The following MIER1 variants were observed in gnomAD, a reference collection of about 807,000 sequenced individuals.
MIER1 encodes MIER1 transcriptional regulator.
Under a neutral mutation model 75.7 loss-of-function variants are expected in MIER1, and 40 were observed. That is an observed-to-expected ratio of 0.53 (90% CI 0.41 to 0.69). MIER1 has a LOEUF of 0.69. MIER1 is among the 30% of genes least tolerant of loss of function. The pLI, the probability that MIER1 is intolerant of heterozygous loss-of-function variation, is 0.00. For missense variants in MIER1, 574 were observed against 680.2 expected (o/e 0.84, Z 1.74); for synonymous variants, 213 against 223.4 (o/e 0.95, Z 0.42).
chr1:66,983,113 G>T (rs1234521909), intron 13 of MIER1, among the ~76,000 whole-genome samples: 2 of 152,194 alleles, frequency 1.3e-5, no homozygotes, highest in African/African-American at 4.8e-5. Context: ...ATTACTTGTA[G>T]CTCAAAAGCC....
chr1:66,975,273 T>C (rs111630861), intron 11 of MIER1, among the ~76,000 whole-genome samples: 2 of 152,210 alleles, frequency 1.3e-5, no homozygotes, highest in East Asian at 1.9e-4. Flanking sequence ...ATGCCTGTTA[T>C]CTCAGTACTT....
chr1:66,985,485 A>G lies in MIER1; in HGVS notation c.*585A>G, dbSNP rs1170301655. The stretch of plus-strand genomic sequence containing the variant: ...AAAATAAACCAGGTCAGGTTTGTAT[A>G]TGTAAAATTGTTGACATCAATGATG... On this transcript the variant is annotated 3_prime_UTR_variant, in exon 14 of 14. Transcript: ENST00000401041. The G allele has an allele frequency of 2.0e-6, 2 of 983,354 alleles. No homozygotes were observed. The highest frequency in any genetic ancestry group is 2.4e-6 in the Non-Finnish European group (2 of 828,010). The allele number at this position is 983,354 out of a possible 1,614,324, so 60.9% of individuals were successfully genotyped here.
chr1:66,975,260 C>G (rs919395048), intron 11 of MIER1, among the ~76,000 whole-genome samples: 1 of 152,172 alleles, frequency 6.6e-6, no homozygotes, highest in Admixed American at 6.5e-5. Context: ...GGTGCAGTGG[C>G]TCATGCCTGT....
intron 4 of MIER1, chr1:66,947,169 T>C: frequency 5.5e-6 from 1 of 182,178 alleles, no homozygotes; most frequent in Non-Finnish European, 1.0e-5. Flanking sequence ...TTAAGTAAGT[T>C]GGCATTATAT....
chr1:66,956,062 G>A (rs1228281355), intron 4 of MIER1, among the ~76,000 whole-genome samples: 1 of 152,160 alleles, frequency 6.6e-6, no homozygotes, highest in Non-Finnish European at 1.5e-5. Flanking sequence ...TGAAATCAAA[G>A]CATCTATCAT....
In MIER1 at chr1:66,971,679, A is replaced by T. The variant is rs550295178; in HGVS notation, c.949A>T (p.Asn317Tyr). Residue 317 changes from asparagine (N) to tyrosine (Y), a missense_variant, in exon 10 of 14, where the codon AAT (asparagine) becomes TAT (tyrosine). Transcript: ENST00000401041. Reference sequence around the variant, plus strand: ...GGCTTTATATGAATTGGTTAAATGCAATTTTGATACAGAAGAAGCATTGAG... The same window carrying T: ...GGCTTTATATGAATTGGTTAAATGCTATTTTGATACAGAAGAAGCATTGAG... ...EQALYELVKC[N>Y]FDTEEALRRL... The T allele has an allele frequency of 1.4e-5, 21 of 1,512,472 alleles. No homozygotes were observed. Among genetic ancestry groups the T allele is most frequent in the East Asian group, 2.3e-5 (1 of 43,716 alleles). 93.7% of individuals were successfully genotyped at this position (1,512,472 alleles called of 1,614,324 possible).
chr1:66,958,445 C>T (rs757721797), intron 5 of MIER1, among the ~76,000 whole-genome samples: 2 of 144,682 alleles, frequency 1.4e-5, no homozygotes, highest in Non-Finnish European at 3.0e-5. Context: ...TTTTCCAGTG[C>T]TTATTCTAAT....
At chr1:66,927,759 C>T in intron 2 of MIER1, among the ~76,000 whole-genome samples, 1 of 151,964 alleles carries the variant, frequency 6.6e-6, no homozygotes, top group African/African-American at 2.4e-5. Context: ...TAGTGAGTCA[C>T]TGGAGGGGTT....
chr1:66,932,724 TGTGAA>T (rs1471477905), intron 2 of MIER1: 2 of 152,152 alleles, frequency 1.3e-5, no homozygotes, highest in African/African-American at 2.4e-5. Context: ...AAGGATAGCT[TGTGAA>T]GTAACAGTAA....
chr1:66,973,757 T>C (rs1217065451), intron 11 of MIER1, among the ~76,000 whole-genome samples: 1 of 152,116 alleles, frequency 6.6e-6, no homozygotes. Flanking sequence ...TCTTGGAGAT[T>C]AAATGTAGGA....
intron 2 of MIER1, among the ~76,000 whole-genome samples, chr1:66,931,009 C>T (rs1042611002): frequency 2.6e-5 from 4 of 152,094 alleles, no homozygotes; most frequent in Non-Finnish European, 5.9e-5. Context: ...CAAGGTACAA[C>T]CTCTGAGCTG....
At chr1:66,983,349 T>A (rs1313273055) in intron 13 of MIER1, among the ~76,000 whole-genome samples, 1 of 152,242 alleles carries the variant, frequency 6.6e-6, no homozygotes, top group Non-Finnish European at 1.5e-5. Context: ...CATTCATGAT[T>A]TGAGTGCATT....
chr1:66,928,988 A>G, intron 2 of MIER1: 1 of 1,402,954 alleles, frequency 7.1e-7, no homozygotes, highest in Middle Eastern at 1.8e-4. Flanking sequence ...CTTAGCAGCT[A>G]CTTCATATAT....
intron 3 of MIER1, 150 bp downstream of exon 3, chr1:66,940,202 T>A: frequency 1.8e-6 from 1 of 549,120 alleles, no homozygotes; most frequent in Non-Finnish European, 3.2e-6. Flanking sequence ...ATGAAAGGTT[T>A]GACTGCCCAT....
At chr1:66,950,356 A>G (rs1442628327) in intron 4 of MIER1, among the ~76,000 whole-genome samples, 1 of 152,230 alleles carries the variant, frequency 6.6e-6, no homozygotes, top group Admixed American at 6.5e-5. Context: ...TGATCTGCCC[A>G]TCTCAGCCTC....
chr1:66,970,765 C>CAT (rs752582417), intron 8 of MIER1, 43 bp from the exon 9 acceptor site: 7 of 1,407,614 alleles, frequency 5.0e-6, no homozygotes, highest in Non-Finnish European at 6.7e-6. Flanking sequence ...CAAACTCTAT[C>CAT]AGTTTTTAGA....
chr1:66,925,134 T>G (rs1651182519), intron 1 of MIER1, 39 bp downstream of exon 1: 2 of 1,540,592 alleles, frequency 1.3e-6, no homozygotes, highest in Middle Eastern at 3.4e-4. Flanking sequence ...CCCCTTCTAT[T>G]CCAGTTTGGG....
intron 4 of MIER1, among the ~76,000 whole-genome samples, chr1:66,952,064 CAAAAT>C (rs1659093908): frequency 1.3e-5 from 2 of 152,126 alleles, no homozygotes; most frequent in Admixed American, 1.3e-4. Flanking sequence ...ATAATAAACA[CAAAAT>C]AAATCTTAGT....
rs146918215 is a variant in MIER1, at chr1:66,968,591, C to T, written c.773-2217C>T. On this transcript the variant is annotated intron_variant, in intron 8 of 13. Transcript: ENST00000401041. ...TGACAAATTTTTTCTCTCTGCCATC[C>T]GACTTTTTTTATTAGGCACCATGCA... Among the ~76,000 whole-genome samples the T allele has an allele frequency of 4.6e-3, 696 of 152,176 alleles. 5 individuals carry two copies. The highest frequency in any genetic ancestry group is 0.016 in the African/African-American group (662 of 41,520).
Sources: gnomAD v4.1 joint callset for allele counts (sites outside exome capture counted in the v4.1 genomes callset) on GRCh38, gnomAD v4.1.1 for gene constraint, MANE v1.5 for transcripts, NCBI Gene and HGNC (gene_info 2026-07-23, HGNC 2026-07-21) for gene names.